The following PISD variants were observed in gnomAD, a reference collection of about 807,000 sequenced individuals.
PISD encodes the protein phosphatidylserine decarboxylase proenzyme, mitochondrial.
PISD carries 31 observed loss-of-function variants against 43.5 expected under a neutral mutation model. That is an observed-to-expected ratio of 0.71 (90% CI 0.54 to 0.96). The LOEUF (loss-of-function observed/expected upper bound fraction) is 0.96. Ranked by LOEUF, PISD falls within the 40% of genes least tolerant of loss-of-function variation. The pLI is 0.00. For missense variants in PISD, 523 were observed against 548.4 expected (o/e 0.95, Z 0.46); for synonymous variants, 259 against 228.7 (o/e 1.13, Z -1.20).
chr22:31,644,243 T>C (rs1939708382), intron 3 of PISD, among the ~76,000 whole-genome samples: 1 of 124,490 alleles, frequency 8.0e-6, no homozygotes, highest in Admixed American at 7.7e-5. Flanking sequence ...TAATTTTTTC[T>C]TTTTTTTTTT....
intron 3 of PISD, among the ~76,000 whole-genome samples, chr22:31,624,688 AAG>A (rs1369916423): frequency 4.5e-5 from 6 of 132,162 alleles, no homozygotes; most frequent in African/African-American, 1.8e-4. Context: ...CACCCATCCC[AAG>A]CCCCTCCTTT....
chr22:31,656,092 G>C (rs113476860), intron 1 of PISD, among the ~76,000 whole-genome samples: 4,881 of 150,798 alleles, frequency 0.032, 103 homozygotes, highest in South Asian at 0.069. Flanking sequence ...TCGGGAGTTT[G>C]AGACCAGCCT....
At chr22:31,620,408 G>A in intron 7 of PISD, 145 bp downstream of exon 7, 1 of 756,444 alleles carries the variant, frequency 1.3e-6, no homozygotes, top group Non-Finnish European at 2.1e-6. Flanking sequence ...GCCATTCTCA[G>A]GACAGCTGCT....
At chr22:31,627,544 CTGG>C (rs1332741616) in intron 3 of PISD, among the ~76,000 whole-genome samples, 2 of 152,236 alleles carry the variant, frequency 1.3e-5, no homozygotes, top group African/African-American at 4.8e-5. Context: ...AGGGGTGAGC[CTGG>C]TGCCTGGTTC....
At chr22:31,625,767 TCGCCG>T in intron 3 of PISD, 1 of 1,589,270 alleles carries the variant, frequency 6.3e-7, no homozygotes, top group Non-Finnish European at 8.6e-7. Flanking sequence ...TCTCACCATT[TCGCCG>T]CGCGGAGCTC....
Position 31,620,956 on chromosome 22 carries a change from C to T in PISD, c.844+40G>A. 3.8e-6 allele frequency: 6 copies of T among 1,579,468 alleles called. No homozygotes were observed. In the East Asian group the frequency reaches 1.4e-4, roughly 36 times the overall value. On this transcript the variant is annotated intron_variant, in intron 6 of 7. Coordinates refer to ENST00000439502, the MANE Select transcript of PISD (RefSeq NM_001326411.2). The stretch of plus-strand genomic sequence containing the variant: ...AGAAGCTGAGAGCCTCTATATGAAG[C>T]CCACAGAGGCAGCTCCCCCCACGCT...
intron 3 of PISD, chr22:31,623,998 GCA>G (rs746803833): frequency 2.2e-5 from 15 of 688,574 alleles, no homozygotes; most frequent in Non-Finnish European, 3.1e-5. Context: ...AGCCCAGCAA[GCA>G]CTGGCTGTGC....
At chr22:31,660,471 G>C (rs2074285916) in intron 1 of PISD, among the ~76,000 whole-genome samples, 1 of 152,066 alleles carries the variant, frequency 6.6e-6, no homozygotes, top group South Asian at 2.1e-4. Flanking sequence ...TGGGCAACAT[G>C]GTGAAACCCT....
In PISD at chr22:31,630,573, G is replaced by C. The variant is rs1178047639; in HGVS notation, c.322-8688C>G. ...GAGGAAGTGAGCTCACGCAGCCCGG[G>C]CCGTGCCCACGTGGGGACGGAAAAA... On this transcript the variant is annotated intron_variant, in intron 3 of 7. Coordinates refer to ENST00000439502, the MANE Select transcript of PISD (RefSeq NM_001326411.2). This position sits in a 1 kb window ranked among gnomAD's most constrained non-coding sequence, Gnocchi z 4.4. 3 of 252,932 alleles carry C rather than the reference G, an allele frequency of 1.2e-5. No homozygotes were observed. The highest frequency in any genetic ancestry group is 1.9e-5 in the Non-Finnish European group (3 of 160,150). 15.7% of individuals were successfully genotyped at this position (252,932 alleles called of 1,614,324 possible).
intron 3 of PISD, among the ~76,000 whole-genome samples, chr22:31,642,468 A>C (rs1321830725): frequency 6.6e-6 from 1 of 150,866 alleles, no homozygotes; most frequent in African/African-American, 2.5e-5. Context: ...AAAGAAAAAC[A>C]AAAAACAAAC....
intron 2 of PISD, among the ~76,000 whole-genome samples, chr22:31,649,242 G>T (rs2073969207): frequency 6.6e-6 from 1 of 151,914 alleles, no homozygotes; most frequent in East Asian, 1.9e-4. Context: ...AATGTGCAAA[G>T]GATTTGAATA....
At chr22:31,640,109 C>T (rs1484801952) in intron 3 of PISD, among the ~76,000 whole-genome samples, 3 of 152,014 alleles carry the variant, frequency 2.0e-5, no homozygotes, top group Admixed American at 6.6e-5. Flanking sequence ...ACACTCCACG[C>T]GACGGGGCTA....
chr22:31,630,227 T>C lies in PISD; in HGVS notation c.322-8342A>G, dbSNP rs1011938114. 6.6e-6 allele frequency among the ~76,000 whole-genome samples: 1 copy of C among 152,002 alleles called. No homozygotes were observed. The highest frequency in any genetic ancestry group is 1.5e-5 in the Non-Finnish European group (1 of 67,952). ...AGGGCAGGCAGGACTCGCAGGGGTC[T>C]ATCCTAGCCGCCCAAAGACAGGGAA... On this transcript the variant is annotated intron_variant, in intron 3 of 7. Coordinates refer to ENST00000439502, the MANE Select transcript of PISD (RefSeq NM_001326411.2). This position sits in a 1 kb window ranked among gnomAD's most constrained non-coding sequence, Gnocchi z 4.4.
At chr22:31,624,154 CG>C (rs1305800294) in intron 3 of PISD, among the ~76,000 whole-genome samples, 2 of 152,232 alleles carry the variant, frequency 1.3e-5, no homozygotes, top group African/African-American at 2.4e-5. Context: ...GGCCCAGCTG[CG>C]GGGCACCTCT....
At chr22:31,660,677 C>A (rs2074290862) in intron 1 of PISD, among the ~76,000 whole-genome samples, 1 of 152,096 alleles carries the variant, frequency 6.6e-6, no homozygotes, top group Non-Finnish European at 1.5e-5. Context: ...ATAACAACAA[C>A]AAAAAACAAT....
At position 31,621,099 on chromosome 22, in the gene PISD, T is replaced by G. The variant is rs988999559; in HGVS notation, c.741A>C (p.Glu247Asp). The G allele has an allele frequency of 3.1e-6, 5 of 1,614,170 alleles. No individual in the cohort carries two copies. The highest frequency in any genetic ancestry group is 4.2e-6 in the Non-Finnish European group (5 of 1,180,018). The change falls in exon 6 of 8, where the codon GAA becomes GAC. Residue 247 changes from glutamate (E) to aspartate (D), a missense_variant. Physicochemically the swap from Glu to Asp is conservative, Grantham distance 45 (BLOSUM62 2). Transcript: ENST00000439502. The part of the protein sequence containing the change: ...DSFKNQLVTR[E>D]GNELYHCVIY... Reference sequence around the variant, plus strand: ...TGACACAGTGATAGAGCTCATTCCCTTCCCGGGTGACCAGCTGGTTCTTGA... The same window carrying G: ...TGACACAGTGATAGAGCTCATTCCCGTCCCGGGTGACCAGCTGGTTCTTGA...
chr22:31,655,420 A>C lies in PISD; in HGVS notation c.66-4642T>G, dbSNP rs1484148612. The stretch of plus-strand genomic sequence containing the variant: ...TGCCTCAAATTTCTGGGCTCAAGGC[A>C]TCCTCTCACCTCAGCCTCCTGAGTA... On this transcript the variant is annotated intron_variant, in intron 1 of 7. Transcript: ENST00000439502. 2.6e-5 allele frequency among the ~76,000 whole-genome samples: 4 copies of C among 151,704 alleles called. No individual in the cohort carries two copies. The East Asian group carries it at 5.8e-4, about 22-fold the overall frequency.
chr22:31,644,627 T>C (rs115710630), intron 3 of PISD, among the ~76,000 whole-genome samples: 1,561 of 152,324 alleles, frequency 0.01, 25 homozygotes, highest in African/African-American at 0.036. Context: ...ATGACAGTGA[T>C]TAGGTGGAAC....
In PISD at chr22:31,619,747, C is replaced by T; in HGVS notation, c.1095G>A (p.Met365Ile). 4.3e-6 allele frequency: 7 copies of T among 1,614,228 alleles called. No individual in the cohort carries two copies. Among genetic ancestry groups the T allele is most frequent in the Non-Finnish European group, 5.9e-6 (7 of 1,180,018 alleles). ...VTHTNREGVP[M>I]RKGEHLGEFN... ...ACTCGCCCAGGTGCTCGCCCTTACG[C>T]ATGGGGACGCCCTCTCTATTGGTGT... Residue 365 changes from methionine to isoleucine, a missense_variant, in exon 8 of 8, where the codon ATG becomes ATA. Physicochemically the swap from Met to Ile is conservative, Grantham distance 10. Transcript: ENST00000439502.
Sources: gnomAD v4.1 joint callset for allele counts (sites outside exome capture counted in the v4.1 genomes callset) on GRCh38, gnomAD v4.1.1 for gene constraint, Gnocchi (gnomAD v3.1) non-coding constraint, MANE v1.5 for transcripts, NCBI Gene and HGNC (gene_info 2026-07-23, HGNC 2026-07-21) for gene names.